Variants in CWC15 observed in about 807,000 individuals in gnomAD.
CWC15 encodes the protein CWC15 spliceosome associated protein, also known as spliceosome-associated protein CWC15 homolog.
Under a neutral mutation model 28.4 loss-of-function variants are expected in CWC15, and 12 were observed. The observed-to-expected ratio is 0.42, with a 90% CI of 0.27 to 0.69. The LOEUF (loss-of-function observed/expected upper bound fraction) is 0.69, where lower values mean the gene tolerates loss of function less well. Among genes scored for constraint, CWC15 ranks in the 30% least tolerant of loss-of-function variants. The probability of loss-of-function intolerance (pLI) is 0.23; values close to 1 mark genes in which losing one functional copy is unlikely to be tolerated. For missense variants in CWC15, 192 were observed against 271.5 expected, an observed-to-expected ratio of 0.71 and a Z score of 2.06; for synonymous variants, 92 against 88.4, an observed-to-expected ratio of 1.04 and a Z score of -0.23.
At chr11:94,967,448 T>C (rs74936402) in intron 5 of CWC15, among the ~76,000 whole-genome samples, 4,037 of 152,298 alleles carry the variant, frequency 0.027, 176 homozygotes, top group African/African-American at 0.091. Flanking sequence ...GAATGTGGAA[T>C]ATAAAATGTC....
In CWC15 at chr11:94,971,510, C is replaced by T. The variant is rs587668852; in HGVS notation, c.132-23G>A. 57 of 1,439,284 alleles carry T rather than the reference C, an allele frequency of 4.0e-5. 1 individual carries two copies. In the South Asian group the frequency reaches 6.6e-4, roughly 17 times the overall value. The allele number at this position is 1,439,284 out of a possible 1,614,324, so 89.2% of individuals were successfully genotyped here. A position where few individuals can be genotyped will look rare whatever the true frequency, so the allele number is the denominator to read the frequency against. ...TGTCTAAAGTAGAAACAAACCAGGG[C>T]AAAAATGTTACTTAAACACACACAC... On this transcript the variant is annotated intron_variant, in intron 2 of 6. Coordinates refer to ENST00000279839, the MANE Select transcript of CWC15 (RefSeq NM_016403.4).
chr11:94,963,970 G>C (rs1252208920), intron 6 of CWC15, among the ~76,000 whole-genome samples: 2 of 151,994 alleles, frequency 1.3e-5, no homozygotes, highest in East Asian at 1.9e-4. Context: ...ATCATCTACT[G>C]TAATATCCAC....
At chr11:94,964,272 T>TA (rs1555094877) in intron 6 of CWC15, among the ~76,000 whole-genome samples, 1 of 152,096 alleles carries the variant, frequency 6.6e-6, no homozygotes, top group African/African-American at 2.4e-5. Flanking sequence ...CACAAGCCCA[T>TA]ATGTGTGTGT....
intron 2 of CWC15, 146 bp downstream of exon 2, chr11:94,971,909 G>A (rs1590960829): frequency 1.3e-6 from 1 of 753,138 alleles, no homozygotes; most frequent in East Asian, 2.6e-5. Flanking sequence ...AATCACAGCA[G>A]AATTTTAGTG....
Position 94,963,298 on chromosome 11 carries a change from A to G in CWC15, c.*87T>C. ...CTGGGGAAGCCCACACACAATTTAG[A>G]CAGGGGAAAAGAAAAAAAAAACTCA... On this transcript the variant is annotated 3_prime_UTR_variant, in exon 7 of 7. Transcript: ENST00000279839. 2 of 1,076,288 alleles carry G rather than the reference A, an allele frequency of 1.9e-6. No homozygotes were observed. The highest frequency in any genetic ancestry group is 1.3e-6 in the Non-Finnish European group (1 of 797,034). 66.7% of individuals were successfully genotyped at this position (1,076,288 alleles called of 1,614,324 possible).
At chr11:94,966,181 A>G (rs1351672659) in intron 6 of CWC15, 114 bp downstream of exon 6, 15 of 628,292 alleles carry the variant, frequency 2.4e-5, no homozygotes, top group Non-Finnish European at 3.7e-5. Flanking sequence ...GCACCTTGCT[A>G]TCCAACTTAT....
chr11:94,966,224 T>TACACACACACACACAC lies in CWC15; in HGVS notation c.560+70_560+71insGTGTGTGTGTGTGTGT, dbSNP rs1447749262. 34 of 734,098 alleles carry TACACACACACACACAC rather than the reference T, an allele frequency of 4.6e-5. No individual in the cohort carries two copies. In the African/African-American group the frequency reaches 7.6e-4, roughly 16 times the overall value. 45.5% of individuals were successfully genotyped at this position (734,098 alleles called of 1,614,324 possible). A position where few individuals can be genotyped will look rare whatever the true frequency, so the allele number is the denominator to read the frequency against. On this transcript the variant is annotated intron_variant, in intron 6 of 6. Coordinates refer to ENST00000279839, the MANE Select transcript of CWC15 (RefSeq NM_016403.4). Reference sequence around the variant, plus strand: ...ATGCCTGTGTGTATACACATACACATATACACACACACACACACACACACA... The same window carrying TACACACACACACACAC: ...ATGCCTGTGTGTATACACATACACATACACACACACACACACATACACACACACACACACACACACA...
intron 6 of CWC15, among the ~76,000 whole-genome samples, chr11:94,964,793 C>G (rs1057208712): frequency 2.0e-5 from 3 of 152,152 alleles, no homozygotes; most frequent in Non-Finnish European, 4.4e-5. Flanking sequence ...TAGAGGCTGG[C>G]TAGATGATTA....
intron 1 of CWC15, among the ~76,000 whole-genome samples, chr11:94,972,898 C>A (rs1857744457): frequency 6.6e-6 from 1 of 152,122 alleles, no homozygotes; most frequent in African/African-American, 2.4e-5. Flanking sequence ...CCAGAGGATT[C>A]TGATGCCAAA....
At chr11:94,965,123 A>C (rs1555095038) in intron 6 of CWC15, among the ~76,000 whole-genome samples, 1 of 152,198 alleles carries the variant, frequency 6.6e-6, no homozygotes. Flanking sequence ...CAGAGGGGAA[A>C]GCATTCAGCA....
At chr11:94,967,222 T>G (rs1201926367) in intron 5 of CWC15, among the ~76,000 whole-genome samples, 1 of 152,234 alleles carries the variant, frequency 6.6e-6, no homozygotes, top group African/African-American at 2.4e-5. Context: ...GAGACGTCAT[T>G]TCACCATGTT....
intron 1 of CWC15, among the ~76,000 whole-genome samples, chr11:94,973,056 G>GC (rs1565415224): frequency 6.6e-6 from 1 of 150,742 alleles, no homozygotes; most frequent in Admixed American, 6.6e-5. Context: ...TTGGGGGGGG[G>GC]GCGATGCTAA....
chr11:94,963,439 A>G lies in CWC15; in HGVS notation c.636T>C (p.Asn212=), dbSNP rs1451614263. 3.8e-6 allele frequency: 6 copies of G among 1,583,506 alleles called. No individual in the cohort carries two copies. The highest frequency in any genetic ancestry group is 4.3e-6 in the Non-Finnish European group (5 of 1,162,688). The part of the protein sequence containing the change: ...DDQKKDKRFV[N]DTLRSEFHKK... ...TGTGAAATTCAGATCGCAGTGTGTCATTTACAAATCTTTTGTCTTTCTTCT... is the reference window on the plus strand; with the variant it reads ...TGTGAAATTCAGATCGCAGTGTGTCGTTTACAAATCTTTTGTCTTTCTTCT... The change falls in exon 7 of 7, where the codon AAT becomes AAC. Residue 212 remains asparagine, a synonymous_variant. Coordinates refer to ENST00000279839, the MANE Select transcript of CWC15 (RefSeq NM_016403.4).
intron 5 of CWC15, 28 bp downstream of exon 5, chr11:94,969,961 A>G (rs1555095912): frequency 2.8e-6 from 4 of 1,431,632 alleles, no homozygotes; most frequent in Non-Finnish European, 2.8e-6. Flanking sequence ...GAGAAGATAG[A>G]TGTAAATATT....
At chr11:94,970,146 C>T (rs587635025) in intron 4 of CWC15, 50 bp from the exon 5 acceptor site, 14 of 909,512 alleles carry the variant, frequency 1.5e-5, no homozygotes, top group Non-Finnish European at 2.2e-5. Flanking sequence ...TACACACTAC[C>T]AAAACACAGT....
intron 2 of CWC15, among the ~76,000 whole-genome samples, chr11:94,971,787 T>A (rs1453695635): frequency 6.6e-6 from 1 of 152,236 alleles, no homozygotes; most frequent in East Asian, 1.9e-4. Flanking sequence ...AGTAATACTT[T>A]TAATATACTG....
intron 5 of CWC15, 114 bp downstream of exon 5, chr11:94,969,875 T>A (rs782491022): frequency 1.9e-6 from 1 of 522,686 alleles, no homozygotes; most frequent in Non-Finnish European, 3.2e-6. Context: ...GCTATAATAT[T>A]TAGACACGGT....
chr11:94,963,565 C>A (rs901945130), intron 6 of CWC15, 51 bp from the exon 7 acceptor site: 48 of 1,513,284 alleles, frequency 3.2e-5, no homozygotes, highest in Non-Finnish European at 4.2e-5. Context: ...TATCAGGAGA[C>A]AAGAATACTA....
At chr11:94,970,222 G>A in intron 4 of CWC15, 126 bp from the exon 5 acceptor site, 1 of 418,956 alleles carries the variant, frequency 2.4e-6, no homozygotes, top group Admixed American at 4.4e-5. Context: ...ACAACTTTAA[G>A]CTAGCAGCAA....
Sources: allele counts gnomAD v4.1 joint callset (sites outside exome capture counted in the v4.1 genomes callset), GRCh38; gene constraint gnomAD v4.1.1; transcripts MANE v1.5; gene names NCBI Gene and HGNC (gene_info 2026-07-23, HGNC 2026-07-21).